The following ZRANB3 variants were observed in gnomAD, a reference collection of about 807,000 sequenced individuals.
ZRANB3 encodes the protein zinc finger RANBP2-type containing 3, also known as DNA annealing helicase and endonuclease ZRANB3.
ZRANB3 carries 125 observed loss-of-function variants against 133.8 expected under a neutral mutation model. The observed-to-expected ratio is 0.93, with a 90% CI of 0.81 to 1.08. ZRANB3 has a LOEUF of 1.08. Ranked by LOEUF, ZRANB3 falls within the 50% of genes least tolerant of loss-of-function variation. The pLI is 0.00. For synonymous variants in ZRANB3, 387 were observed against 432.7 expected, an observed-to-expected ratio of 0.89 and a Z score of 1.31; for missense variants, 1,229 against 1,275.5, an observed-to-expected ratio of 0.96 and a Z score of 0.56.
chr2:135,403,309 C>T (rs897419990), intron 2 of ZRANB3, among the ~76,000 whole-genome samples: 15 of 152,190 alleles, frequency 9.9e-5, no homozygotes, highest in Non-Finnish European at 5.9e-5. Context: ...AGATTATATC[C>T]CGCACCTGGC....
intron 2 of ZRANB3, among the ~76,000 whole-genome samples, chr2:135,393,007 A>G (rs1364378046): frequency 6.6e-6 from 1 of 151,804 alleles, no homozygotes; most frequent in East Asian, 1.9e-4. Context: ...AGTAGCTGGG[A>G]CTACAGGTGT....
At chr2:135,274,280 G>A (rs1052550154) in intron 9 of ZRANB3, among the ~76,000 whole-genome samples, 2 of 152,222 alleles carry the variant, frequency 1.3e-5, no homozygotes, top group Non-Finnish European at 2.9e-5. Context: ...ATGCAGTAAA[G>A]CCACATGGCT....
intron 3 of ZRANB3, among the ~76,000 whole-genome samples, chr2:135,377,809 G>C (rs555275801): frequency 6.6e-6 from 1 of 152,206 alleles, no homozygotes; most frequent in Non-Finnish European, 1.5e-5. Context: ...TTGATCCTGG[G>C]TGTCTCTGTG....
At chr2:135,487,243 T>C (rs1692164310) in intron 2 of ZRANB3, among the ~76,000 whole-genome samples, 1 of 152,208 alleles carries the variant, frequency 6.6e-6, no homozygotes, top group African/African-American at 2.4e-5. Flanking sequence ...AAATATTCAG[T>C]AAACCTTGCT....
chr2:135,494,989 C>T (rs559307664), intron 2 of ZRANB3, among the ~76,000 whole-genome samples: 1 of 152,160 alleles, frequency 6.6e-6, no homozygotes, highest in African/African-American at 2.4e-5. Context: ...AATCCTAGCA[C>T]TTTGGGAGGC....
At chr2:135,290,379 T>A (rs1681625458) in intron 8 of ZRANB3, among the ~76,000 whole-genome samples, 1 of 152,202 alleles carries the variant, frequency 6.6e-6, no homozygotes, top group African/African-American at 2.4e-5. Flanking sequence ...TGTTGTTGCT[T>A]TAAAGTCTGT....
intron 6 of ZRANB3, among the ~76,000 whole-genome samples, chr2:135,334,657 A>T (rs1684290708): frequency 6.6e-6 from 1 of 152,034 alleles, no homozygotes; most frequent in African/African-American, 2.4e-5. Flanking sequence ...GCACTCTGGG[A>T]GGCCGAGGCA....
chr2:135,528,118 T>TTTG (rs1415424222), intron 1 of ZRANB3, among the ~76,000 whole-genome samples: 3 of 151,884 alleles, frequency 2.0e-5, no homozygotes, highest in Non-Finnish European at 4.4e-5. Context: ...ATTTATTTAA[T>TTTG]AGGGGCCTCA....
At chr2:135,357,681 G>C (rs1685499642) in intron 3 of ZRANB3, among the ~76,000 whole-genome samples, 3 of 152,120 alleles carry the variant, frequency 2.0e-5, no homozygotes, top group Admixed American at 1.3e-4. Flanking sequence ...CAAAGTGCTG[G>C]GATTGCAGGT....
chr2:135,300,966 T>C (rs1482202769), intron 8 of ZRANB3, among the ~76,000 whole-genome samples: 1 of 152,100 alleles, frequency 6.6e-6, no homozygotes, highest in Non-Finnish European at 1.5e-5. Context: ...AATGTAGTTA[T>C]AGCTCTCATT....
At chr2:135,322,517 A>G (rs1683579302) in intron 6 of ZRANB3, among the ~76,000 whole-genome samples, 1 of 151,972 alleles carries the variant, frequency 6.6e-6, no homozygotes. Context: ...GGAGTTCGAG[A>G]CCAGCCTGGG....
intron 2 of ZRANB3, among the ~76,000 whole-genome samples, chr2:135,435,791 T>G (rs1350387401): frequency 1.3e-5 from 2 of 152,244 alleles, no homozygotes; most frequent in Non-Finnish European, 2.9e-5. Flanking sequence ...TGTCTTCTTT[T>G]GAGAAGTGTC....
intron 6 of ZRANB3, among the ~76,000 whole-genome samples, chr2:135,337,865 C>G (rs1387395650): frequency 6.6e-6 from 1 of 152,130 alleles, no homozygotes; most frequent in South Asian, 2.1e-4. Context: ...AAGTACTCCT[C>G]TTAGTATTTC....
rs1694066719 is a variant in ZRANB3, at chr2:135,210,836, CA to C, written c.2496-1859del. Among the ~76,000 whole-genome samples, 9 of 152,212 alleles carry C rather than the reference CA, an allele frequency of 5.9e-5. No individual in the cohort carries two copies. The South Asian group carries it at 1.9e-3, about 32-fold the overall frequency. On this transcript the variant is annotated intron_variant, in intron 17 of 20. Coordinates refer to ENST00000264159, the MANE Select transcript of ZRANB3 (RefSeq NM_032143.4). ...AAGAGTAAGGGGGAATATCTTTTCA[CA>C]CATTCACATGGTGAAACCCTGTCTC... is the stretch of plus-strand genomic sequence containing the variant.
intron 13 of ZRANB3, among the ~76,000 whole-genome samples, chr2:135,229,315 G>C (rs1451305304): frequency 6.6e-6 from 1 of 151,824 alleles, no homozygotes; most frequent in African/African-American, 2.4e-5. Flanking sequence ...CAAGAGGAAG[G>C]AACTGCAATA....
At chr2:135,263,079 A>G (rs1680041560) in intron 12 of ZRANB3, among the ~76,000 whole-genome samples, 1 of 152,192 alleles carries the variant, frequency 6.6e-6, no homozygotes, top group Non-Finnish European at 1.5e-5. Context: ...TGAAGTTGCT[A>G]TCACATTTTT....
chr2:135,403,858 C>CTA (rs1450132593), intron 2 of ZRANB3, among the ~76,000 whole-genome samples: 3 of 152,232 alleles, frequency 2.0e-5, no homozygotes, highest in Non-Finnish European at 4.4e-5. Flanking sequence ...GAGTGGACCT[C>CTA]CAGCAAACTC....
chr2:135,333,151 T>C (rs1684225378), intron 6 of ZRANB3, among the ~76,000 whole-genome samples: 1 of 152,164 alleles, frequency 6.6e-6, no homozygotes, highest in South Asian at 2.1e-4. Flanking sequence ...TTTGGTAAAA[T>C]TTCAAACCAC....
intron 12 of ZRANB3, among the ~76,000 whole-genome samples, chr2:135,261,449 A>C (rs1679960607): frequency 6.6e-6 from 1 of 152,202 alleles, no homozygotes; most frequent in Admixed American, 6.5e-5. Flanking sequence ...AAATACCAAC[A>C]AAGCAAAACT....
Sources: allele counts gnomAD v4.1 joint callset (sites outside exome capture counted in the v4.1 genomes callset), GRCh38; gene constraint gnomAD v4.1.1; transcripts MANE v1.5; gene names NCBI Gene and HGNC (gene_info 2026-07-23, HGNC 2026-07-21).